The following VAV3 variants were observed in gnomAD, a reference collection of about 807,000 sequenced individuals.
The protein encoded by VAV3 is vav guanine nucleotide exchange factor 3.
Under a neutral mutation model 131.2 loss-of-function variants are expected in VAV3, and 94 were observed. That is an observed-to-expected ratio of 0.72 (90% CI 0.61 to 0.85). The LOEUF is 0.85. Ranked by LOEUF, VAV3 falls within the 40% of genes least tolerant of loss-of-function variation. VAV3 has a pLI of 0.00. For missense variants in VAV3, 939 were observed against 1,002.7 expected (o/e 0.94, Z 0.86); for synonymous variants, 349 against 342.0 (o/e 1.02, Z -0.22).
At chr1:107,661,469 T>C (rs2101626498) in intron 19 of VAV3, among the ~76,000 whole-genome samples, 1 of 152,306 alleles carries the variant, frequency 6.6e-6, no homozygotes, top group South Asian at 2.1e-4. Context: ...TTCAACTGTG[T>C]TTCTGAATTT....
chr1:107,775,853 G>A (rs1665326261), intron 4 of VAV3, among the ~76,000 whole-genome samples: 1 of 152,046 alleles, frequency 6.6e-6, no homozygotes, highest in African/African-American at 2.4e-5. Context: ...GCCATCCATC[G>A]TGTGACTGCA....
intron 1 of VAV3, among the ~76,000 whole-genome samples, chr1:107,890,096 T>G (rs1671242438): frequency 6.6e-6 from 1 of 152,188 alleles, no homozygotes; most frequent in East Asian, 1.9e-4. Context: ...AAATAAAATT[T>G]TATTCTTTCT....
At chr1:107,714,891 A>G (rs756780933) in intron 15 of VAV3, among the ~76,000 whole-genome samples, 3 of 152,114 alleles carry the variant, frequency 2.0e-5, no homozygotes, top group Non-Finnish European at 2.9e-5. Context: ...TATATATTAC[A>G]CTTCTTTATT....
At chr1:107,637,530 C>T (rs989424283) in intron 20 of VAV3, among the ~76,000 whole-genome samples, 1 of 151,934 alleles carries the variant, frequency 6.6e-6, no homozygotes, top group Non-Finnish European at 1.5e-5. Context: ...GGCTGAGGCA[C>T]GGTAATTGCT....
chr1:107,606,679 T>C (rs112961954), intron 22 of VAV3, among the ~76,000 whole-genome samples: 7,713 of 152,066 alleles, frequency 0.051, 215 homozygotes, highest in Middle Eastern at 0.088. Flanking sequence ...TTATAAGAGC[T>C]CCTTTTTATT....
rs534496131 is a variant in VAV3 at position 107,718,098 on chromosome 1, T to C, written c.1503-13037A>G. Among the ~76,000 whole-genome samples the C allele has an allele frequency of 2.0e-5, 3 of 152,270 alleles. No homozygotes were observed. In the East Asian group the frequency reaches 5.8e-4, roughly 29 times the overall value. On this transcript the variant is annotated intron_variant, in intron 15 of 26. Coordinates refer to ENST00000370056, the MANE Select transcript of VAV3 (RefSeq NM_006113.5). ...ATTTATGACAAACCCACAGCCAATA[T>C]CATACTGAATGGGAAAAAACTGGAA...
chr1:107,877,559 C>T (rs1041932236), intron 1 of VAV3, among the ~76,000 whole-genome samples: 1 of 152,088 alleles, frequency 6.6e-6, no homozygotes, highest in African/African-American at 2.4e-5. Context: ...AGAGGCCTTC[C>T]CCTTACTTCT....
intron 15 of VAV3, among the ~76,000 whole-genome samples, chr1:107,714,470 C>T (rs1660973757): frequency 6.6e-6 from 1 of 152,056 alleles, no homozygotes; most frequent in Admixed American, 6.5e-5. Context: ...AATCTTAAAG[C>T]TCTCATTAAA....
At chr1:107,944,452 G>A (rs960859039) in intron 1 of VAV3, among the ~76,000 whole-genome samples, 54 of 152,204 alleles carry the variant, frequency 3.5e-4, no homozygotes, top group African/African-American at 1.3e-3. Context: ...TACAGGGAGA[G>A]TGTGTATCCT....
chr1:107,819,876 A>G (rs1667720543), intron 2 of VAV3, among the ~76,000 whole-genome samples: 1 of 152,162 alleles, frequency 6.6e-6, no homozygotes, highest in South Asian at 2.1e-4. Context: ...ATCACTGATC[A>G]TTAGAGAAAT....
At chr1:107,927,508 T>C (rs1673220051) in intron 1 of VAV3, among the ~76,000 whole-genome samples, 1 of 151,626 alleles carries the variant, frequency 6.6e-6, no homozygotes, top group South Asian at 2.1e-4. Flanking sequence ...GGGTCTCCAA[T>C]TACAGGCTTA....
intron 15 of VAV3, among the ~76,000 whole-genome samples, chr1:107,740,599 T>C (rs1173115196): frequency 1.3e-5 from 2 of 151,852 alleles, no homozygotes; most frequent in African/African-American, 2.4e-5. Flanking sequence ...TCACTGATAC[T>C]AAAAATAAAA....
chr1:107,943,559 T>C (rs1571172295), intron 1 of VAV3, among the ~76,000 whole-genome samples: 3 of 152,262 alleles, frequency 2.0e-5, no homozygotes, highest in East Asian at 3.9e-4. Context: ...CTGGCCAACA[T>C]GGTGAAACCC....
rs1361778385 is a variant in VAV3, at chr1:107,944,935, TAA to T, written c.204+19729_204+19730del. ...AATGCAGTTTTGAACCTGCGGAAGT[TAA>T]GAGTGTAATATGAAATAGCTTGCAC... On this transcript the variant is annotated intron_variant, in intron 1 of 26. Coordinates refer to ENST00000370056, the MANE Select transcript of VAV3 (RefSeq NM_006113.5). Among the ~76,000 whole-genome samples the T allele has an allele frequency of 2.0e-5, 3 of 152,156 alleles. No homozygotes were observed. In the East Asian group the frequency reaches 5.8e-4, roughly 29 times the overall value.
At chr1:107,622,120 G>GA (rs1557710361) in intron 20 of VAV3, among the ~76,000 whole-genome samples, 1 of 152,020 alleles carries the variant, frequency 6.6e-6, no homozygotes, top group Non-Finnish European at 1.5e-5. Flanking sequence ...TTTTCCTGTA[G>GA]AAAATGTATC....
rs1304486199 is a variant in VAV3 at position 107,803,886 on chromosome 1, CT to C, written c.322-24395del. 2.6e-4 allele frequency among the ~76,000 whole-genome samples: 39 copies of C among 152,098 alleles called. No individual in the cohort carries two copies. The East Asian group carries it at 6.8e-3, about 26-fold the overall frequency. On this transcript the variant is annotated intron_variant, in intron 2 of 26. Transcript: ENST00000370056. ...ACTGTTACTTTATTGCAATCTATCT[CT>C]CCCTTCAGATTTACTAATGTTGCTT...
intron 22 of VAV3, among the ~76,000 whole-genome samples, chr1:107,603,621 TTTG>T (rs1222951703): frequency 1.3e-5 from 2 of 152,332 alleles, no homozygotes; most frequent in East Asian, 3.9e-4. Flanking sequence ...TAAATAGTTT[TTTG>T]TTATGAGATT....
intron 2 of VAV3, among the ~76,000 whole-genome samples, chr1:107,849,242 CA>C (rs201705921): frequency 0.048 from 6,440 of 134,156 alleles, 353 homozygotes; most frequent in African/African-American, 0.14. Flanking sequence ...CATATGCAAC[CA>C]AAAAAAAAAA....
At chr1:107,757,200 A>T in intron 11 of VAV3, 61 bp downstream of exon 11, 1 of 1,332,132 alleles carries the variant, frequency 7.5e-7, no homozygotes, top group Non-Finnish European at 1.1e-6. Flanking sequence ...TGCAATTTGA[A>T]TTCCATTGTC....
Sources: gnomAD v4.1 joint callset for allele counts (sites outside exome capture counted in the v4.1 genomes callset) on GRCh38, gnomAD v4.1.1 for gene constraint, MANE v1.5 for transcripts, NCBI Gene and HGNC (gene_info 2026-07-23, HGNC 2026-07-21) for gene names.